Variants in KCTD1 observed in about 807,000 individuals in gnomAD.
KCTD1 encodes BTB/POZ domain-containing protein KCTD1.
In KCTD1, 24 loss-of-function variants were observed where a neutral mutation model predicts 66.0. The observed-to-expected ratio is 0.36, with a 90% confidence interval of 0.26 to 0.51. The LOEUF is 0.51. KCTD1 is among the 20% of genes least tolerant of loss of function. KCTD1 has a pLI of 0.95. For missense variants in KCTD1, 943 were observed against 1,205.2 expected, an observed-to-expected ratio of 0.78 and a Z score of 3.22; for synonymous variants, 511 against 517.2, an observed-to-expected ratio of 0.99 and a Z score of 0.16.
intron 1 of KCTD1, among the ~76,000 whole-genome samples, chr18:26,593,942 GA>G (rs754983364): frequency 1.3e-5 from 2 of 151,960 alleles, no homozygotes; most frequent in Non-Finnish European, 2.9e-5. Context: ...AGAAAGAAGA[GA>G]AGGGGGGGAG....
At chr18:26,611,336 G>T (rs1008456874) in intron 1 of KCTD1, among the ~76,000 whole-genome samples, 1 of 48,206 alleles carries the variant, frequency 2.1e-5, no homozygotes, top group Non-Finnish European at 3.9e-5. Context: ...ACTGGGTTTT[G>T]TTTGTTTGTT....
chr18:26,562,379 A>ACATC (rs1490501102), intron 1 of KCTD1, among the ~76,000 whole-genome samples: 1 of 134,470 alleles, frequency 7.4e-6, no homozygotes, highest in Non-Finnish European at 1.5e-5. Flanking sequence ...TTACGGGCAC[A>ACATC]CATCACCATG....
intron 2 of KCTD1, among the ~76,000 whole-genome samples, chr18:26,477,212 T>C (rs1295116626): frequency 1.3e-5 from 2 of 152,228 alleles, no homozygotes; most frequent in Non-Finnish European, 2.9e-5. Context: ...ACTAACAATA[T>C]ACACTACAGT....
chr18:26,621,439 AG>A (rs1417471545), intron 1 of KCTD1, among the ~76,000 whole-genome samples: 1 of 152,070 alleles, frequency 6.6e-6, no homozygotes, highest in Non-Finnish European at 1.5e-5. Flanking sequence ...TTAAAAATTG[AG>A]GCGGCGGAAT....
chr18:26,614,347 C>T (rs1016965999), intron 1 of KCTD1, among the ~76,000 whole-genome samples: 7 of 152,218 alleles, frequency 4.6e-5, no homozygotes, highest in Non-Finnish European at 8.8e-5. Flanking sequence ...AGAAGCTCAC[C>T]TTCTAATAGA....
chr18:26,509,842 C>T (rs1476502737), intron 1 of KCTD1, among the ~76,000 whole-genome samples: 1 of 152,178 alleles, frequency 6.6e-6, no homozygotes, highest in African/African-American at 2.4e-5. Flanking sequence ...TGAACTCAGC[C>T]GCCCGCCCCG....
intron 1 of KCTD1, among the ~76,000 whole-genome samples, chr18:26,587,889 G>A (rs1394414897): frequency 6.6e-6 from 1 of 152,180 alleles, no homozygotes; most frequent in African/African-American, 2.4e-5. Flanking sequence ...AAATAAAGTG[G>A]TTTCTTGAGA....
At chr18:26,572,343 C>T (rs1424749484) in intron 1 of KCTD1, among the ~76,000 whole-genome samples, 1 of 152,150 alleles carries the variant, frequency 6.6e-6, no homozygotes, top group Non-Finnish European at 1.5e-5. Flanking sequence ...AGGTGTGAGT[C>T]ACTGCTGGTT....
intron 1 of KCTD1, among the ~76,000 whole-genome samples, chr18:26,597,454 G>C (rs370381076): frequency 6.6e-6 from 1 of 152,152 alleles, no homozygotes. Context: ...ACTACCCTGT[G>C]ATTAGGGACT....
chr18:26,654,322 T>C (rs1035451597), intron 1 of KCTD1, among the ~76,000 whole-genome samples: 8 of 152,190 alleles, frequency 5.3e-5, no homozygotes, highest in Admixed American at 2.0e-4. Context: ...CATCATCTAG[T>C]TGAAGTCTTA....
chr18:26,653,040 A>G (rs531280619), intron 1 of KCTD1, among the ~76,000 whole-genome samples: 32 of 152,164 alleles, frequency 2.1e-4, no homozygotes, highest in Admixed American at 2.0e-4. Context: ...AACCCCAGCT[A>G]TATCTTCTCT....
chr18:26,547,719 T>C lies in KCTD1; in HGVS notation c.818A>G (p.Gln273Arg). 6.5e-7 allele frequency: 1 copy of C among 1,548,574 alleles called. No homozygotes were observed. The highest frequency in any genetic ancestry group is 1.4e-5 in the African/African-American group (1 of 73,182). Reference protein sequence around the residue: ...LAAVIRKLEEQGAGPVVQKQA... With the variant: ...LAAVIRKLEERGAGPVVQKQA... ...CTTCTGCACCACCGGCCCGGCGCCCTGCTCCTCGAGCTTGCGGATGACCGC... is the reference window on the plus strand; with the variant it reads ...CTTCTGCACCACCGGCCCGGCGCCCCGCTCCTCGAGCTTGCGGATGACCGC... The change falls in exon 1 of 5, where the codon CAG becomes CGG. Residue 273 changes from glutamine to arginine, a missense_variant. Physicochemically the swap from Gln to Arg is conservative, Grantham distance 43 (BLOSUM62 1). Around this residue, in one of 10 missense-constraint regions of KCTD1, gnomAD observed 61 missense variants for 109.6 expected, o/e 0.56. Coordinates refer to ENST00000580059, the MANE Select transcript of KCTD1 (RefSeq NM_001142730.3).
At chr18:26,537,405 G>C (rs1050480394) in intron 1 of KCTD1, among the ~76,000 whole-genome samples, 27 of 152,140 alleles carry the variant, frequency 1.8e-4, no homozygotes, top group African/African-American at 6.5e-4. Flanking sequence ...GCTGAATACT[G>C]TAAGTATTTG....
Position 26,599,674 on chromosome 18 carries a change from T to C in KCTD1, c.-16+29473A>G, listed in dbSNP as rs1429556794. ...AAATCACCCAGATCCTTCGGCCTGG[T>C]GGATGTCTTTTTCTGAAAGAGCCAG... On this transcript the variant is annotated intron_variant, in intron 1 of 4. Coordinates refer to the KCTD1 transcript ENST00000317932. 10 of 1,478,056 alleles carry C rather than the reference T, an allele frequency of 6.8e-6. No homozygotes were observed. The East Asian group carries it at 2.3e-4, about 33-fold the overall frequency. The allele number at this position is 1,478,056 out of a possible 1,614,324, so 91.6% of individuals were successfully genotyped here. A position where few individuals can be genotyped will look rare whatever the true frequency, so the allele number is the denominator to read the frequency against.
chr18:26,559,891 A>T (rs963856250), intron 1 of KCTD1, among the ~76,000 whole-genome samples: 1 of 152,196 alleles, frequency 6.6e-6, no homozygotes, highest in African/African-American at 2.4e-5. Flanking sequence ...CGCAATGGCC[A>T]GGCCCTTTTG....
intron 1 of KCTD1, chr18:26,600,027 C>CAGCATGGA (rs1238763292): frequency 3.7e-6 from 6 of 1,611,494 alleles, no homozygotes; most frequent in South Asian, 3.3e-5. Flanking sequence ...TGGAGGACGA[C>CAGCATGGA]AGCATGGATC....
Position 26,532,261 on chromosome 18 carries a change from C to CTTTTTTTTTTT in KCTD1, c.1809+14456_1809+14466dup, listed in dbSNP as rs533359603. ...CTTTTTCTTTTTCTTTTCTTTCCTT[C>CTTTTTTTTTTT]TTTTTTTTTTTTTTTTTTTTTTTTT... On this transcript the variant is annotated intron_variant, in intron 1 of 4. Coordinates refer to ENST00000580059, the MANE Select transcript of KCTD1 (RefSeq NM_001142730.3). 6.8e-4 allele frequency among the ~76,000 whole-genome samples: 20 copies of CTTTTTTTTTTT among 29,546 alleles called. 1 individual carries two copies. Among genetic ancestry groups the CTTTTTTTTTTT allele is most frequent in the African/African-American group, 1.1e-3 (17 of 15,364 alleles). 19.4% of individuals were successfully genotyped at this position (29,546 alleles called of 152,430 possible). A position where few individuals can be genotyped will look rare whatever the true frequency, so the allele number is the denominator to read the frequency against.
chr18:26,507,038 T>C (rs1014530351), intron 1 of KCTD1, among the ~76,000 whole-genome samples: 1 of 152,092 alleles, frequency 6.6e-6, no homozygotes, highest in Non-Finnish European at 1.5e-5. Context: ...TGGTGGCAGG[T>C]GCCTGTAATC....
At chr18:26,484,731 T>C (rs1981828323) in intron 2 of KCTD1, among the ~76,000 whole-genome samples, 3 of 152,126 alleles carry the variant, frequency 2.0e-5, no homozygotes, top group Admixed American at 2.0e-4. Flanking sequence ...ATGGTCCCAC[T>C]GGGTGTCACG....
Sources: allele counts gnomAD v4.1 joint callset (sites outside exome capture counted in the v4.1 genomes callset), GRCh38; gene constraint gnomAD v4.1.1; regional missense constraint gnomAD v4.1.1; transcripts MANE v1.5; gene names NCBI Gene and HGNC (gene_info 2026-07-23, HGNC 2026-07-21).